Variants in FER observed in about 807,000 individuals in gnomAD.
The protein encoded by FER is FER tyrosine kinase, also known as tyrosine-protein kinase Fer.
Under a neutral mutation model 111.0 loss-of-function variants are expected in FER, and 63 were observed. The observed-to-expected ratio is 0.57, with a 90% CI of 0.46 to 0.70. The LOEUF (loss-of-function observed/expected upper bound fraction) is 0.70, where lower values mean the gene tolerates loss of function less well. FER is among the 30% of genes least tolerant of loss of function. FER has a pLI of 0.00. For synonymous variants in FER, 327 were observed against 313.9 expected, an observed-to-expected ratio of 1.04 and a Z score of -0.44; for missense variants, 914 against 954.0, an observed-to-expected ratio of 0.96 and a Z score of 0.55.
intron 2 of FER, among the ~76,000 whole-genome samples, chr5:108,791,301 T>TGTCTTCAGTGCTAA (rs60616427): frequency 0.23 from 35,594 of 151,962 alleles, 4,395 homozygotes; most frequent in African/African-American, 0.3. Context: ...AGTGCTAAAC[T>TGTCTTCAGTGCTAA]ACATGTCTGT....
chr5:108,852,026 A>C (rs537596478), intron 5 of FER, among the ~76,000 whole-genome samples: 5 of 152,338 alleles, frequency 3.3e-5, no homozygotes, highest in African/African-American at 1.2e-4. Flanking sequence ...TGGGGAAACA[A>C]ACTATCTTCC....
intron 17 of FER, among the ~76,000 whole-genome samples, chr5:109,152,796 G>A (rs76339200): frequency 0.01 from 1,578 of 152,012 alleles, 23 homozygotes; most frequent in African/African-American, 0.036. Flanking sequence ...GGAAGGAAAT[G>A]TGGAACCTGT....
At chr5:108,883,353 AAATT>A (rs1765858203) in intron 8 of FER, 39 bp from the exon 9 acceptor site, 1 of 1,549,028 alleles carries the variant, frequency 6.5e-7, no homozygotes, top group African/African-American at 1.4e-5. Context: ...TATAAAGTGA[AAATT>A]AATTTGTTGG....
At chr5:108,913,860 G>C (rs1238414652) in intron 10 of FER, among the ~76,000 whole-genome samples, 8 of 152,128 alleles carry the variant, frequency 5.3e-5, no homozygotes, top group Non-Finnish European at 1.2e-4. Context: ...CAGTATGGCT[G>C]AATCTTACAA....
chr5:108,835,192 C>CG (rs1236413870), intron 4 of FER, among the ~76,000 whole-genome samples: 1 of 121,540 alleles, frequency 8.2e-6, no homozygotes, highest in African/African-American at 3.3e-5. Flanking sequence ...CCACCCCCCC[C>CG]CCCCCACTTT....
intron 3 of FER, among the ~76,000 whole-genome samples, chr5:108,813,239 A>T (rs1170626141): frequency 6.6e-6 from 1 of 152,100 alleles, no homozygotes; most frequent in Non-Finnish European, 1.5e-5. Context: ...TTGCTGTATT[A>T]TCATCTTACT....
At chr5:108,977,666 T>A (rs1761541222) in intron 13 of FER, among the ~76,000 whole-genome samples, 1 of 152,180 alleles carries the variant, frequency 6.6e-6, no homozygotes, top group Admixed American at 6.5e-5. Flanking sequence ...AAAAACATAT[T>A]TGGAATGTTT....
chr5:109,179,679 CCTAAATATAA>C (rs1758078489), intron 17 of FER, among the ~76,000 whole-genome samples: 1 of 151,798 alleles, frequency 6.6e-6, no homozygotes, highest in Non-Finnish European at 1.5e-5. Context: ...GTCATCATTC[CCTAAATATAA>C]CAACTATTAC....
At chr5:109,057,778 C>G (rs1241752676) in intron 16 of FER, among the ~76,000 whole-genome samples, 1 of 152,160 alleles carries the variant, frequency 6.6e-6, no homozygotes, top group Non-Finnish European at 1.5e-5. Context: ...GATGGCTTTT[C>G]TGGTGAATTA....
intron 17 of FER, among the ~76,000 whole-genome samples, chr5:109,133,798 C>T (rs1752614556): frequency 6.6e-6 from 1 of 151,904 alleles, no homozygotes; most frequent in African/African-American, 2.4e-5. Context: ...TTCCAGCATT[C>T]TTTTAAAGCC....
chr5:109,069,709 G>A (rs1775545392), intron 16 of FER, among the ~76,000 whole-genome samples: 1 of 152,048 alleles, frequency 6.6e-6, no homozygotes, highest in Non-Finnish European at 1.5e-5. Context: ...AGATGTTGAT[G>A]TCAAAGATTG....
chr5:109,106,803 T>C (rs1252151286), intron 17 of FER, among the ~76,000 whole-genome samples: 1 of 152,192 alleles, frequency 6.6e-6, no homozygotes, highest in African/African-American at 2.4e-5. Context: ...TGTAATATGT[T>C]TCCAGGAATG....
At chr5:108,779,965 T>C (rs545075463) in intron 2 of FER, among the ~76,000 whole-genome samples, 1 of 152,316 alleles carries the variant, frequency 6.6e-6, no homozygotes, top group East Asian at 1.9e-4. Context: ...TACATAAGCA[T>C]ATATCTGTAT....
At chr5:108,801,324 T>C (rs189653578) in intron 3 of FER, among the ~76,000 whole-genome samples, 2 of 152,350 alleles carry the variant, frequency 1.3e-5, no homozygotes, top group African/African-American at 4.8e-5. Flanking sequence ...GCGAGTCTAT[T>C]TTTATACTCT....
At chr5:109,176,158 G>A (rs376900221) in intron 17 of FER, among the ~76,000 whole-genome samples, 2 of 151,976 alleles carry the variant, frequency 1.3e-5, no homozygotes, top group Non-Finnish European at 2.9e-5. Flanking sequence ...TTTGTCCAAA[G>A]GAAAGAAACC....
At chr5:108,779,563 G>A (rs1043129373) in intron 2 of FER, among the ~76,000 whole-genome samples, 5 of 152,106 alleles carry the variant, frequency 3.3e-5, no homozygotes, top group African/African-American at 1.2e-4. Flanking sequence ...TATAAATGTT[G>A]TTGTGTTTTT....
intron 18 of FER, among the ~76,000 whole-genome samples, chr5:109,185,354 A>G (rs1291261122): frequency 6.6e-6 from 1 of 152,256 alleles, no homozygotes; most frequent in Non-Finnish European, 1.5e-5. Flanking sequence ...TTTTTCGTAA[A>G]TGAAACTATC....
chr5:109,144,082 C>G (rs1753806013), intron 17 of FER, among the ~76,000 whole-genome samples: 1 of 152,004 alleles, frequency 6.6e-6, no homozygotes, highest in Non-Finnish European at 1.5e-5. Flanking sequence ...TTACTCACCA[C>G]AAAAGCATGA....
At chr5:108,957,174 A>C (rs986455278) in intron 12 of FER, among the ~76,000 whole-genome samples, 2 of 151,636 alleles carry the variant, frequency 1.3e-5, no homozygotes, top group East Asian at 3.8e-4. Flanking sequence ...CAGTGAATAC[A>C]TACTTTGCAG....
Sources: allele counts gnomAD v4.1 joint callset (sites outside exome capture counted in the v4.1 genomes callset), GRCh38; gene constraint gnomAD v4.1.1; transcripts MANE v1.5; gene names NCBI Gene and HGNC (gene_info 2026-07-23, HGNC 2026-07-21).